PARP4: variants seen among roughly 807,000 people sequenced by gnomAD.
PARP4 encodes protein mono-ADP-ribosyltransferase PARP4.
PARP4 carries 120 observed loss-of-function variants against 187.7 expected under a neutral mutation model. The ratio of observed to expected loss-of-function variants is 0.64; its 90% CI spans 0.55 to 0.74. The LOEUF (loss-of-function observed/expected upper bound fraction) is 0.74. Ranked by LOEUF, PARP4 falls within the 30% of genes least tolerant of loss-of-function variation. PARP4 has a pLI of 0.00. For missense variants in PARP4, 1,836 were observed against 2,070.5 expected, an observed-to-expected ratio of 0.89 and a Z score of 2.20; for synonymous variants, 654 against 740.9, an observed-to-expected ratio of 0.88 and a Z score of 1.90.
chr13:24,500,520 A>T (rs1431362763), intron 3 of PARP4, 138 bp from the exon 4 acceptor site: 3 of 437,086 alleles, frequency 6.9e-6, no homozygotes, highest in African/African-American at 6.6e-5. Flanking sequence ...AGGATAACCC[A>T]GTGGGAAAAG....
At position 24,429,216 on chromosome 13, in the gene PARP4, C is replaced by T. The variant is rs141581091; in HGVS notation, c.4846+2161G>A. On this transcript the variant is annotated intron_variant, in intron 32 of 33. Coordinates refer to ENST00000381989, the MANE Select transcript of PARP4 (RefSeq NM_006437.4). ...ATCTATTTGCTGAGATTCTGCGATT[C>T]ACCCATTCCATCCTTTTCTGGTAAG... 3.5e-3 allele frequency among the ~76,000 whole-genome samples: 538 copies of T among 152,268 alleles called. 1 individual carries two copies. The highest frequency in any genetic ancestry group is 6.0e-3 in the Non-Finnish European group (410 of 68,024).
At chr13:24,478,445 C>CA (rs1873103072) in intron 12 of PARP4, among the ~76,000 whole-genome samples, 169 bp from the exon 13 acceptor site, 2 of 151,136 alleles carry the variant, frequency 1.3e-5, no homozygotes, top group African/African-American at 4.9e-5. Context: ...AATATTTCTT[C>CA]TTTTTTTTTA....
At chr13:24,430,440 C>T (rs1333899933) in intron 32 of PARP4, among the ~76,000 whole-genome samples, 2 of 152,026 alleles carry the variant, frequency 1.3e-5, no homozygotes, top group Non-Finnish European at 2.9e-5. Flanking sequence ...ATTGCTTGAG[C>T]TCACAAGTTC....
chr13:24,511,318 AAC>A (rs1197373900), intron 1 of PARP4, among the ~76,000 whole-genome samples: 4 of 152,108 alleles, frequency 2.6e-5, no homozygotes, highest in South Asian at 2.1e-4. Context: ...GTGTTCTCTA[AAC>A]ACAGAGTTAG....
chr13:24,421,539 G>A (rs565444817), intron 33 of PARP4, among the ~76,000 whole-genome samples: 15 of 152,368 alleles, frequency 9.8e-5, no homozygotes, highest in Admixed American at 2.0e-4. Flanking sequence ...TGGCTTCCAC[G>A]TGCCTCCAGG....
chr13:24,432,465 T>C (rs1262942844), intron 31 of PARP4, among the ~76,000 whole-genome samples: 1 of 152,170 alleles, frequency 6.6e-6, no homozygotes, highest in Non-Finnish European at 1.5e-5. Flanking sequence ...TGTGAAACCA[T>C]CAAACCATCA....
chr13:24,498,664 A>G (rs1869093758), intron 5 of PARP4, among the ~76,000 whole-genome samples: 1 of 152,136 alleles, frequency 6.6e-6, no homozygotes, highest in South Asian at 2.1e-4. Context: ...TGAGCTCAAG[A>G]GATCCACCTG....
rs895895321 is a variant in PARP4 at position 24,506,862 on chromosome 13, C to T, written c.-1-3085G>A. Among the ~76,000 whole-genome samples the T allele has an allele frequency of 1.4e-4, 22 of 152,226 alleles. 1 individual carries two copies. Among genetic ancestry groups the T allele is most frequent in the Admixed American group, 1.4e-3 (21 of 15,286 alleles). On this transcript the variant is annotated intron_variant, in intron 1 of 33. Coordinates refer to ENST00000381989, the MANE Select transcript of PARP4 (RefSeq NM_006437.4). ...GTGGTCGATGGGACCGGGCGCCGGC[C>T]GCGCTCCTGCGGGACGCTCGTGCTG... is the stretch of plus-strand genomic sequence containing the variant.
Position 24,477,762 on chromosome 13 carries a change from A to G in PARP4, c.1728T>C (p.Pro576=). 2 of 1,588,230 alleles carry G rather than the reference A, an allele frequency of 1.3e-6. No individual in the cohort carries two copies. The highest frequency in any genetic ancestry group is 1.1e-5 in the South Asian group (1 of 87,792). The part of the protein sequence containing the change: ...MPGDQIKDFH[P]SDHTELEEYR... ...ATTCCTCTAATTCAGTATGATCACT[A>G]GGATGAAAGTCCTTTATCTGATCTC... is the stretch of plus-strand genomic sequence containing the variant. Residue 576 remains proline (P), a synonymous_variant, in exon 14 of 34, where the codon CCT becomes CCC. Transcript: ENST00000381989.
In PARP4 at chr13:24,443,750, G is replaced by GAA; in HGVS notation, c.3367-22_3367-21dup. 1 of 1,560,526 alleles carries GAA rather than the reference G, an allele frequency of 6.4e-7. No individual in the cohort carries two copies. The highest frequency in any genetic ancestry group is 8.8e-7 in the Non-Finnish European group (1 of 1,137,746). ...GATCATCTGTGTTTAAGCAGCAAAG[G>GAA]AAAAAAAATATTCACATGGCTTCTA... On this transcript the variant is annotated intron_variant, in intron 27 of 33. Transcript: ENST00000381989.
At chr13:24,430,494 A>G (rs1447600733) in intron 32 of PARP4, among the ~76,000 whole-genome samples, 1 of 151,792 alleles carries the variant, frequency 6.6e-6, no homozygotes, top group African/African-American at 2.4e-5. Context: ...CTCTACCAAA[A>G]AATACAAAAA....
chr13:24,426,891 C>CAAAAAAAAA (rs5802279), intron 32 of PARP4, among the ~76,000 whole-genome samples: 1 of 93,572 alleles, frequency 1.1e-5, no homozygotes, highest in Admixed American at 1.3e-4. Flanking sequence ...GACTCTGTCT[C>CAAAAAAAAA]AAAAAAAAAA....
At chr13:24,441,462 A>G (rs1186034821) in intron 30 of PARP4, among the ~76,000 whole-genome samples, 5 of 152,284 alleles carry the variant, frequency 3.3e-5, no homozygotes, top group African/African-American at 1.2e-4. Flanking sequence ...TATAAGGGCC[A>G]CGGTATAAAG....
chr13:24,486,402 A>G, intron 10 of PARP4, 97 bp from the exon 11 acceptor site: 2 of 783,066 alleles, frequency 2.6e-6, no homozygotes, highest in South Asian at 1.8e-5. Flanking sequence ...CCAAATGTCC[A>G]TTATCAGGAA....
chr13:24,501,544 GA>G (rs1869281559), intron 3 of PARP4, 88 bp downstream of exon 3: 1 of 849,992 alleles, frequency 1.2e-6, no homozygotes, highest in East Asian at 2.4e-5. Flanking sequence ...AGTATTTCTG[GA>G]CAATTCTCTG....
intron 8 of PARP4, among the ~76,000 whole-genome samples, chr13:24,493,252 C>T (rs1342515450): frequency 6.6e-6 from 1 of 152,148 alleles, no homozygotes; most frequent in Non-Finnish European, 1.5e-5. Flanking sequence ...AAATGGACTG[C>T]GGTTAAGGCA....
intron 24 of PARP4, chr13:24,452,174 T>C: frequency 2.3e-6 from 1 of 440,602 alleles, no homozygotes; most frequent in Non-Finnish European, 4.0e-6. Context: ...ATCACCTTGG[T>C]TTTACAGATG....
chr13:24,511,646 C>T (rs533454139), intron 1 of PARP4, among the ~76,000 whole-genome samples: 1 of 152,334 alleles, frequency 6.6e-6, no homozygotes, highest in Admixed American at 6.5e-5. Context: ...CTCGGAAAAC[C>T]CTGAGGAGTC....
rs370471542 is a variant in PARP4 at position 24,447,399 on chromosome 13, C to T, written c.3115-213G>A. Among the ~76,000 whole-genome samples the T allele has an allele frequency of 7.5e-4, 114 of 152,340 alleles. No homozygotes were observed. The East Asian group carries it at 0.013, about 17-fold the overall frequency. The stretch of plus-strand genomic sequence containing the variant: ...ATTTTGAGATGGAGTTTTGCTCTGT[C>T]GCCCAGGCGGGAGTGCAGTGGCACA... On this transcript the variant is annotated intron_variant, in intron 25 of 33. Transcript: ENST00000381989.
Sources: allele counts gnomAD v4.1 joint callset (sites outside exome capture counted in the v4.1 genomes callset), GRCh38; gene constraint gnomAD v4.1.1; transcripts MANE v1.5; gene names NCBI Gene and HGNC (gene_info 2026-07-23, HGNC 2026-07-21).